MAN1A2: variants seen among roughly 807,000 people sequenced by gnomAD.
MAN1A2 encodes the protein mannosyl-oligosaccharide 1,2-alpha-mannosidase IB.
A neutral mutation model predicts 75.7 loss-of-function variants in MAN1A2; 26 were observed. That is an observed-to-expected ratio of 0.34 (90% CI 0.25 to 0.48). The LOEUF (loss-of-function observed/expected upper bound fraction) is 0.48, where lower values mean the gene tolerates loss of function less well. MAN1A2 is among the 20% of genes least tolerant of loss of function. The pLI, the probability that MAN1A2 is intolerant of heterozygous loss-of-function variation, is 0.99. For synonymous variants in MAN1A2, 247 were observed against 264.6 expected, an observed-to-expected ratio of 0.93 and a Z score of 0.65; for missense variants, 562 against 775.5, an observed-to-expected ratio of 0.72 and a Z score of 3.27.
chr1:117,375,859 A>G (rs184904100), intron 1 of MAN1A2, among the ~76,000 whole-genome samples: 1 of 151,362 alleles, frequency 6.6e-6, no homozygotes, highest in African/African-American at 2.4e-5. Flanking sequence ...AAGTTATTCT[A>G]TCTCTCCCCA....
At chr1:117,399,411 G>A (rs747555788) in intron 1 of MAN1A2, among the ~76,000 whole-genome samples, 1 of 152,198 alleles carries the variant, frequency 6.6e-6, no homozygotes, top group Non-Finnish European at 1.5e-5. Flanking sequence ...CATCAGGACA[G>A]AAAATTACCC....
chr1:117,523,748 A>G lies in MAN1A2; in HGVS notation c.*791A>G, dbSNP rs1437535229. 6.6e-6 allele frequency: 1 copy of G among 151,946 alleles called. No homozygotes were observed. The highest frequency in any genetic ancestry group is 2.4e-5 in the African/African-American group (1 of 41,398). The allele number at this position is 151,946 out of a possible 1,614,324, so 9.4% of individuals were successfully genotyped here. On this transcript the variant is annotated 3_prime_UTR_variant, in exon 13 of 13. Transcript: ENST00000356554. ...TGTAGTTCAGTCTAGTGTTGGTAGC[A>G]TGACAGAAAGTGGGGAAAATGCCGC...
chr1:117,511,414 A>G (rs189136650), intron 12 of MAN1A2, among the ~76,000 whole-genome samples: 2 of 152,016 alleles, frequency 1.3e-5, no homozygotes, highest in Admixed American at 6.6e-5. Context: ...GGCTCAAGCA[A>G]TCCTTCTACC....
At chr1:117,376,047 T>G (rs1021132498) in intron 1 of MAN1A2, among the ~76,000 whole-genome samples, 6 of 151,800 alleles carry the variant, frequency 4.0e-5, no homozygotes, top group Admixed American at 1.3e-4. Context: ...GAGTAGCTGG[T>G]ACTACAGGCG....
intron 12 of MAN1A2, among the ~76,000 whole-genome samples, chr1:117,519,442 A>G (rs1425724275): frequency 6.6e-6 from 1 of 152,088 alleles, no homozygotes; most frequent in Non-Finnish European, 1.5e-5. Flanking sequence ...AGCAAGATTA[A>G]CCAAGAAAAG....
rs115558433 is a variant in MAN1A2 at position 117,451,592 on chromosome 1, G to A, written c.951-8897G>A. On this transcript the variant is annotated intron_variant, in intron 6 of 12. Transcript: ENST00000356554. ...CCATGTGTTGTGGGAGGGACTCAGCGGGAGGTAATTGAATCATGCTATTCT... is the reference window on the plus strand; with the variant it reads ...CCATGTGTTGTGGGAGGGACTCAGCAGGAGGTAATTGAATCATGCTATTCT... 7.9e-3 allele frequency among the ~76,000 whole-genome samples: 1,203 copies of A among 152,284 alleles called. 12 individuals carry two copies. Among genetic ancestry groups the A allele is most frequent in the African/African-American group, 0.027 (1,126 of 41,558 alleles).
At chr1:117,399,470 A>G (rs1570711989) in intron 1 of MAN1A2, among the ~76,000 whole-genome samples, 1 of 152,116 alleles carries the variant, frequency 6.6e-6, no homozygotes, top group East Asian at 1.9e-4. Context: ...TTTGGGGCCC[A>G]TTTCCAGGTC....
intron 1 of MAN1A2, among the ~76,000 whole-genome samples, chr1:117,382,634 C>T (rs1653382788): frequency 6.6e-6 from 1 of 152,094 alleles, no homozygotes; most frequent in African/African-American, 2.4e-5. Context: ...CAGCTTTGTT[C>T]TTTTGGCTTA....
At chr1:117,457,882 TC>T (rs1649654765) in intron 6 of MAN1A2, among the ~76,000 whole-genome samples, 1 of 152,174 alleles carries the variant, frequency 6.6e-6, no homozygotes, top group Non-Finnish European at 1.5e-5. Flanking sequence ...GTCATTCACT[TC>T]CCCTTACTTT....
At chr1:117,379,842 A>C (rs562587878) in intron 1 of MAN1A2, among the ~76,000 whole-genome samples, 1 of 152,314 alleles carries the variant, frequency 6.6e-6, no homozygotes, top group Admixed American at 6.5e-5. Flanking sequence ...ATGGCTGAAT[A>C]ATATGCCATT....
intron 6 of MAN1A2, among the ~76,000 whole-genome samples, chr1:117,446,801 T>A (rs1005759107): frequency 2.0e-5 from 3 of 152,166 alleles, no homozygotes; most frequent in Admixed American, 2.0e-4. Flanking sequence ...TAATGGTGTT[T>A]AGATCATGTA....
At chr1:117,510,828 C>T (rs1651513833) in intron 12 of MAN1A2, among the ~76,000 whole-genome samples, 1 of 151,966 alleles carries the variant, frequency 6.6e-6, no homozygotes, top group Non-Finnish European at 1.5e-5. Context: ...TTCACTCTCC[C>T]CCTAACTTAT....
intron 1 of MAN1A2, among the ~76,000 whole-genome samples, chr1:117,392,459 A>G (rs1167564552): frequency 1.3e-5 from 2 of 152,030 alleles, no homozygotes; most frequent in Non-Finnish European, 2.9e-5. Context: ...TGTATATCTT[A>G]CCTTTTCTAT....
intron 10 of MAN1A2, among the ~76,000 whole-genome samples, chr1:117,499,091 T>A (rs990563704): frequency 9.2e-5 from 14 of 151,960 alleles, no homozygotes; most frequent in African/African-American, 3.4e-4. Flanking sequence ...TGCATTTGTT[T>A]CCAAAAGATT....
intron 6 of MAN1A2, among the ~76,000 whole-genome samples, chr1:117,447,802 A>G (rs1287765434): frequency 6.6e-6 from 1 of 152,200 alleles, no homozygotes. Context: ...GTACTTTGTC[A>G]TATAAATTGC....
At chr1:117,467,599 A>G (rs1650019132) in intron 8 of MAN1A2, among the ~76,000 whole-genome samples, 1 of 152,126 alleles carries the variant, frequency 6.6e-6, no homozygotes, top group Non-Finnish European at 1.5e-5. Context: ...TGAAGAAGAT[A>G]AAAGCTCTAA....
At position 117,372,825 on chromosome 1, in the gene MAN1A2, A is replaced by C. The variant is rs1443007168; in HGVS notation, c.302+4340A>C. Among the ~76,000 whole-genome samples the C allele has an allele frequency of 4.6e-5, 7 of 152,104 alleles. No individual in the cohort carries two copies. In the East Asian group the frequency reaches 7.7e-4, roughly 17 times the overall value. On this transcript the variant is annotated intron_variant, in intron 1 of 12. Coordinates refer to ENST00000356554, the MANE Select transcript of MAN1A2 (RefSeq NM_006699.5). ...TGGGCTTTGTGAGTTAAAAAAAAAAAAACCCAGCTTATGAGCTGTTTATCT... is the reference window on the plus strand; with the variant it reads ...TGGGCTTTGTGAGTTAAAAAAAAAACAACCCAGCTTATGAGCTGTTTATCT...
At chr1:117,377,599 G>T (rs1442465260) in intron 1 of MAN1A2, among the ~76,000 whole-genome samples, 1 of 152,142 alleles carries the variant, frequency 6.6e-6, no homozygotes, top group Non-Finnish European at 1.5e-5. Flanking sequence ...ATGACATATT[G>T]TAAGTGACCT....
chr1:117,490,369 G>A (rs960486491), intron 8 of MAN1A2, among the ~76,000 whole-genome samples: 9 of 151,912 alleles, frequency 5.9e-5, no homozygotes, highest in South Asian at 2.1e-4. Flanking sequence ...ATAGTGATCC[G>A]TAATCAGTGA....
Sources: allele counts gnomAD v4.1 joint callset (sites outside exome capture counted in the v4.1 genomes callset), GRCh38; gene constraint gnomAD v4.1.1; transcripts MANE v1.5; gene names NCBI Gene and HGNC (gene_info 2026-07-23, HGNC 2026-07-21).